Variants in ASB4 observed in about 807,000 individuals in gnomAD.
ASB4 encodes ankyrin repeat and SOCS box protein 4.
In ASB4, 35 loss-of-function variants were observed where a neutral mutation model predicts 38.6. That is an observed-to-expected ratio of 0.91 (90% CI 0.69 to 1.20). ASB4 has a LOEUF of 1.20. Among genes scored for constraint, ASB4 ranks in the 50% most tolerant of loss-of-function variants. The pLI is 0.00. For synonymous variants in ASB4, 195 were observed against 201.3 expected (o/e 0.97, Z 0.26); for missense variants, 557 against 527.2 (o/e 1.06, Z -0.55).
intron 2 of ASB4, among the ~76,000 whole-genome samples, chr7:95,508,258 T>C (rs996114248): frequency 5.9e-5 from 9 of 152,034 alleles, no homozygotes; most frequent in Non-Finnish European, 1.2e-4. Flanking sequence ...TGTTCTATCG[T>C]AGCCAGAGGC....
intron 4 of ASB4, among the ~76,000 whole-genome samples, chr7:95,537,118 C>T (rs1396406995): frequency 6.6e-6 from 1 of 152,030 alleles, no homozygotes; most frequent in Admixed American, 6.6e-5. Flanking sequence ...AGGTATCAGG[C>T]ACAGGGTGCA....
intron 2 of ASB4, among the ~76,000 whole-genome samples, chr7:95,516,480 GATAA>G (rs1168768472): frequency 6.6e-6 from 1 of 152,080 alleles, no homozygotes; most frequent in Non-Finnish European, 1.5e-5. Flanking sequence ...TAAACAAAAT[GATAA>G]ATAAACATGG....
At position 95,539,990 on chromosome 7, in the gene ASB4, T is replaced by C. The variant is rs1349681110; in HGVS notation, c.*2231T>C. ...TTAAGGCGTATTCTAGCAGCAAAGC[T>C]TGTGATGCACTGACTTGGGGCAAGT... is the stretch of plus-strand genomic sequence containing the variant. On this transcript the variant is annotated 3_prime_UTR_variant, in exon 5 of 5. Transcript: ENST00000325885. 2 of 152,188 alleles carry C rather than the reference T, an allele frequency of 1.3e-5. No homozygotes were observed. The highest frequency in any genetic ancestry group is 4.8e-5 in the African/African-American group (2 of 41,452). The allele number at this position is 152,188 out of a possible 1,614,324, so 9.4% of individuals were successfully genotyped here. A position where few individuals can be genotyped will look rare whatever the true frequency, so the allele number is the denominator to read the frequency against.
At chr7:95,513,595 GA>G (rs1350513312) in intron 2 of ASB4, among the ~76,000 whole-genome samples, 1 of 151,990 alleles carries the variant, frequency 6.6e-6, no homozygotes, top group Non-Finnish European at 1.5e-5. Context: ...ATCTCATCTA[GA>G]AAAACAACAT....
chr7:95,496,046 T>C lies in ASB4; in HGVS notation c.476T>C (p.Leu159Ser), dbSNP rs1354044116. 3.1e-6 allele frequency: 5 copies of C among 1,611,788 alleles called. No homozygotes were observed. In the African/African-American group the frequency reaches 5.3e-5, roughly 17 times the overall value. Residue 159 changes from leucine (L) to serine (S), a missense_variant, in exon 2 of 5, where the codon TTG becomes TCG. Physicochemically the swap from Leu to Ser is moderately radical, Grantham distance 145. Coordinates refer to ENST00000325885, the MANE Select transcript of ASB4 (RefSeq NM_016116.3). Reference sequence around the variant, plus strand: ...AGTTCCATTCTCTGTGCCAAGCAATTGGTTTGGAGAGGTAAGCCTTTCTGG... The same window carrying C: ...AGTTCCATTCTCTGTGCCAAGCAATCGGTTTGGAGAGGTAAGCCTTTCTGG... ...TPSSILCAKQ[L>S]VWRGANVNMK...
chr7:95,530,490 G>A (rs1790805987), intron 3 of ASB4, among the ~76,000 whole-genome samples: 2 of 152,016 alleles, frequency 1.3e-5, no homozygotes, highest in African/African-American at 4.8e-5. Flanking sequence ...GGATGTGGAG[G>A]AACAAGCCAT....
At chr7:95,491,013 TTA>T (rs1299821349) in intron 1 of ASB4, among the ~76,000 whole-genome samples, 1 of 152,208 alleles carries the variant, frequency 6.6e-6, no homozygotes, top group East Asian at 1.9e-4. Context: ...TGGGTACTTG[TTA>T]TATGAACATG....
intron 1 of ASB4, among the ~76,000 whole-genome samples, chr7:95,479,233 A>T (rs1218198608): frequency 6.6e-6 from 1 of 152,238 alleles, no homozygotes; most frequent in East Asian, 1.9e-4. Flanking sequence ...CAGGTGTCTC[A>T]GTCTGACGGT....
At position 95,502,493 on chromosome 7, in the gene ASB4, A is replaced by G. The variant is rs10234015; in HGVS notation, c.487+6436A>G. Among the ~76,000 whole-genome samples, 1,201 of 152,136 alleles carry G rather than the reference A, an allele frequency of 7.9e-3. 21 individuals are homozygous for G. Among genetic ancestry groups the G allele is most frequent in the African/African-American group, 0.027 (1,106 of 41,510 alleles). On this transcript the variant is annotated intron_variant, in intron 2 of 4. Coordinates refer to ENST00000325885, the MANE Select transcript of ASB4 (RefSeq NM_016116.3). ...AGGGACCAATTCTAGGCAGGAGACCATTTTACCCAGGGCTGTCATTTACTT... is the reference window on the plus strand; with the variant it reads ...AGGGACCAATTCTAGGCAGGAGACCGTTTTACCCAGGGCTGTCATTTACTT...
chr7:95,542,999 T>C (rs1412870310), downstream of ASB4: 2 of 152,196 alleles, frequency 1.3e-5, no homozygotes, highest in African/African-American at 2.4e-5. Flanking sequence ...GCCTCAGATG[T>C]AGAAGGTAGG....
chr7:95,542,971 G>T (rs995999198), downstream of ASB4: 2 of 152,200 alleles, frequency 1.3e-5, no homozygotes, highest in Non-Finnish European at 2.9e-5. Flanking sequence ...CAGCTATCAT[G>T]CTGGGGTGTG....
intron 3 of ASB4, among the ~76,000 whole-genome samples, chr7:95,534,590 T>A (rs1385290401): frequency 1.3e-5 from 2 of 152,064 alleles, no homozygotes; most frequent in Admixed American, 6.5e-5. Context: ...CACTTCCCAT[T>A]AGCCTCCCCT....
intron 2 of ASB4, among the ~76,000 whole-genome samples, chr7:95,524,293 A>G (rs1033343953): frequency 3.9e-5 from 6 of 152,254 alleles, no homozygotes; most frequent in Non-Finnish European, 8.8e-5. Flanking sequence ...GACATAATAA[A>G]ATGAACAAAT....
In ASB4 at chr7:95,538,451, C is replaced by A. The variant is rs1483040455; in HGVS notation, c.*692C>A. Reference sequence around the variant, plus strand: ...GTGACTCCTGCCTTCCAGGATCTCACCATTTAGCAGAGGATCCAGACATAC... The same window carrying A: ...GTGACTCCTGCCTTCCAGGATCTCAACATTTAGCAGAGGATCCAGACATAC... On this transcript the variant is annotated 3_prime_UTR_variant, in exon 5 of 5. Coordinates refer to ENST00000325885, the MANE Select transcript of ASB4 (RefSeq NM_016116.3). The A allele has an allele frequency of 1.3e-5, 2 of 152,234 alleles. No individual in the cohort carries two copies. Among genetic ancestry groups the A allele is most frequent in the African/African-American group, 4.8e-5 (2 of 41,438 alleles). 9.4% of individuals were successfully genotyped at this position (152,234 alleles called of 1,614,324 possible). A position where few individuals can be genotyped will look rare whatever the true frequency, so the allele number is the denominator to read the frequency against.
chr7:95,522,355 C>T (rs1367460301), intron 2 of ASB4, among the ~76,000 whole-genome samples: 1 of 152,014 alleles, frequency 6.6e-6, no homozygotes, highest in Non-Finnish European at 1.5e-5. Context: ...ACACCTCTAT[C>T]AGTTCGAATA....
chr7:95,511,465 A>C (rs745650838), intron 2 of ASB4, among the ~76,000 whole-genome samples: 11 of 152,140 alleles, frequency 7.2e-5, no homozygotes, highest in Non-Finnish European at 1.3e-4. Context: ...GCATAGTTGA[A>C]TTAACCTGGG....
intron 1 of ASB4, among the ~76,000 whole-genome samples, chr7:95,488,385 C>CT (rs1790123154): frequency 6.6e-6 from 1 of 152,072 alleles, no homozygotes. Flanking sequence ...TTTTCACATG[C>CT]TTCCAACCTT....
intron 2 of ASB4, among the ~76,000 whole-genome samples, chr7:95,517,174 G>T (rs1156680187): frequency 1.3e-5 from 2 of 151,570 alleles, no homozygotes; most frequent in Admixed American, 6.6e-5. Context: ...TATTTTTTTT[G>T]TTGTTATTGT....
intron 2 of ASB4, among the ~76,000 whole-genome samples, chr7:95,499,689 G>T (rs1249134941): frequency 1.3e-5 from 2 of 152,010 alleles, no homozygotes; most frequent in Non-Finnish European, 2.9e-5. Context: ...TGCTGGAGGG[G>T]GCTGGAGGGA....
Sources: gnomAD v4.1 joint callset for allele counts (sites outside exome capture counted in the v4.1 genomes callset) on GRCh38, gnomAD v4.1.1 for gene constraint, MANE v1.5 for transcripts, NCBI Gene and HGNC (gene_info 2026-07-23, HGNC 2026-07-21) for gene names.